The following HCN1 variants were observed in gnomAD, a reference collection of about 807,000 sequenced individuals.
HCN1 encodes potassium/sodium hyperpolarization-activated cyclic nucleotide-gated channel 1.
Under a neutral mutation model 78.9 loss-of-function variants are expected in HCN1, and 13 were observed. The ratio of observed to expected loss-of-function variants is 0.16; its 90% CI spans 0.11 to 0.26. HCN1 has a LOEUF of 0.26. Ranked by LOEUF, HCN1 falls within the 10% of genes least tolerant of loss-of-function variation. HCN1 has a pLI of 1.00. For missense variants in HCN1, 810 were observed against 1,154.3 expected (o/e 0.70, Z 4.32); for synonymous variants, 552 against 455.5 (o/e 1.21, Z -2.70).
intron 2 of HCN1, among the ~76,000 whole-genome samples, chr5:45,573,510 T>C (rs1265626200): frequency 6.6e-6 from 1 of 151,970 alleles, no homozygotes; most frequent in Non-Finnish European, 1.5e-5. Flanking sequence ...TGTAACACTA[T>C]CCTTTTCTTA....
intron 6 of HCN1, among the ~76,000 whole-genome samples, chr5:45,269,685 T>C (rs182282487): frequency 1.3e-5 from 2 of 152,298 alleles, no homozygotes; most frequent in East Asian, 1.9e-4. Context: ...AATTGCTTTA[T>C]GAACGAACCA....
In HCN1 at chr5:45,262,772, C is replaced by T. The variant is rs1336099651; in HGVS notation, c.1822G>A (p.Asp608Asn). The T allele has an allele frequency of 6.2e-7, 1 of 1,613,970 alleles. No individual in the cohort carries two copies. The highest frequency in any genetic ancestry group is 2.2e-5 in the East Asian group (1 of 44,876). The change falls in exon 8 of 8, where the codon GAT becomes AAT. Residue 608 changes from aspartate to asparagine, a missense_variant. This residue lies in a region of HCN1 where 398 missense variants were observed against 381.3 expected (regional missense o/e 1.04). Transcript: ENST00000303230. ...TTGTTGAAAACACCAGTGTTCAGAT[C>T]CTTCTGGAACTTTTGCAGAAGAATT... is the stretch of plus-strand genomic sequence containing the variant. ...NSILLQKFQK[D>N]LNTGVFNNQE...
chr5:45,455,889 C>T (rs1456495105), intron 3 of HCN1, among the ~76,000 whole-genome samples: 2 of 151,442 alleles, frequency 1.3e-5, no homozygotes, highest in Admixed American at 6.6e-5. Context: ...AGGTACCCAT[C>T]TAACTGAAAG....
At position 45,479,528 on chromosome 5, in the gene HCN1, G is replaced by A. The variant is rs536606704; in HGVS notation, c.850-17521C>T. Among the ~76,000 whole-genome samples the A allele has an allele frequency of 2.6e-5, 4 of 152,330 alleles. No individual in the cohort carries two copies. The South Asian group carries it at 8.3e-4, about 32-fold the overall frequency. On this transcript the variant is annotated intron_variant, in intron 2 of 7. Coordinates refer to ENST00000303230, the MANE Select transcript of HCN1 (RefSeq NM_021072.4). Reference sequence around the variant, plus strand: ...CTTCAGATAATGATAAGCTGATGCTGTGGCAGAAGAAATAAAAGGCAATTG... The same window carrying A: ...CTTCAGATAATGATAAGCTGATGCTATGGCAGAAGAAATAAAAGGCAATTG...
At chr5:45,492,420 T>TATAC (rs1554028357) in intron 2 of HCN1, among the ~76,000 whole-genome samples, 2 of 142,980 alleles carry the variant, frequency 1.4e-5, no homozygotes, top group East Asian at 4.1e-4. Flanking sequence ...TATATATATA[T>TATAC]ATAAAATTTG....
At chr5:45,501,016 A>T (rs566755537) in intron 2 of HCN1, among the ~76,000 whole-genome samples, 12 of 152,210 alleles carry the variant, frequency 7.9e-5, no homozygotes, top group Non-Finnish European at 1.8e-4. Context: ...ACATAAAATA[A>T]AATGCTAACA....
At chr5:45,444,893 TA>T (rs1230607977) in intron 3 of HCN1, among the ~76,000 whole-genome samples, 3 of 151,926 alleles carry the variant, frequency 2.0e-5, no homozygotes, top group African/African-American at 7.3e-5. Context: ...CTGCACCCAT[TA>T]GGGGAGGAGC....
chr5:45,281,841 C>A (rs1423158859), intron 6 of HCN1, among the ~76,000 whole-genome samples: 1 of 151,806 alleles, frequency 6.6e-6, no homozygotes, highest in Non-Finnish European at 1.5e-5. Flanking sequence ...ATCTGCCTGC[C>A]TCAGCCTCCC....
intron 1 of HCN1, among the ~76,000 whole-genome samples, chr5:45,689,259 G>A (rs756075193): frequency 1.3e-5 from 2 of 151,752 alleles, no homozygotes; most frequent in Non-Finnish European, 2.9e-5. Flanking sequence ...TAACAAACCT[G>A]CACATCCCAC....
At chr5:45,439,844 G>C (rs1006040918) in intron 3 of HCN1, among the ~76,000 whole-genome samples, 3 of 151,616 alleles carry the variant, frequency 2.0e-5, no homozygotes, top group African/African-American at 7.3e-5. Flanking sequence ...AAGGAGACTG[G>C]CAGGAAGGTA....
intron 5 of HCN1, among the ~76,000 whole-genome samples, chr5:45,344,338 T>C (rs763178496): frequency 5.9e-5 from 9 of 152,054 alleles, no homozygotes; most frequent in Non-Finnish European, 8.8e-5. Flanking sequence ...CCAAACCATA[T>C]CATTCCACCC....
At chr5:45,418,422 A>G (rs1229139866) in intron 3 of HCN1, among the ~76,000 whole-genome samples, 1 of 149,480 alleles carries the variant, frequency 6.7e-6, no homozygotes, top group African/African-American at 2.4e-5. Flanking sequence ...TGATAGGCTA[A>G]AAACTATCAC....
chr5:45,272,753 A>AT (rs915931280), intron 6 of HCN1, among the ~76,000 whole-genome samples: 25 of 150,968 alleles, frequency 1.7e-4, no homozygotes, highest in Middle Eastern at 3.4e-3. Flanking sequence ...AGATTTGGTC[A>AT]TTTTTTTTTC....
intron 3 of HCN1, among the ~76,000 whole-genome samples, chr5:45,422,816 A>G (rs1431553790): frequency 6.6e-6 from 1 of 152,114 alleles, no homozygotes; most frequent in Non-Finnish European, 1.5e-5. Flanking sequence ...CATATATGAG[A>G]GCTAAAAATT....
chr5:45,443,265 C>T (rs376586391), intron 3 of HCN1, among the ~76,000 whole-genome samples: 17 of 151,980 alleles, frequency 1.1e-4, no homozygotes, highest in African/African-American at 3.9e-4. Context: ...ATTATTTTGG[C>T]TAACATAAAT....
At position 45,654,081 on chromosome 5, in the gene HCN1, C is replaced by A. The variant is rs1026952394; in HGVS notation, c.426-8473G>T. ...CTTTAGACAACAAGAACAAAGATAT[C>A]TTTCAAGGGGACTTATATTGCATCA... is the stretch of plus-strand genomic sequence containing the variant. On this transcript the variant is annotated intron_variant, in intron 1 of 7. Transcript: ENST00000303230. 1.6e-4 allele frequency among the ~76,000 whole-genome samples: 24 copies of A among 152,026 alleles called. 1 individual carries two copies. Among genetic ancestry groups the A allele is most frequent in the African/African-American group, 4.8e-4 (20 of 41,420 alleles).
intron 5 of HCN1, among the ~76,000 whole-genome samples, chr5:45,336,880 A>G (rs1221667746): frequency 1.3e-5 from 2 of 151,926 alleles, no homozygotes; most frequent in Non-Finnish European, 2.9e-5. Context: ...CACTGATCCC[A>G]TTCATGAGGG....
chr5:45,449,178 A>T (rs1359460953), intron 3 of HCN1, among the ~76,000 whole-genome samples: 1 of 152,158 alleles, frequency 6.6e-6, no homozygotes, highest in Admixed American at 6.5e-5. Flanking sequence ...AGTAATTATG[A>T]TTATCATCCC....
intron 3 of HCN1, among the ~76,000 whole-genome samples, chr5:45,440,426 A>G (rs1166016394): frequency 6.6e-6 from 1 of 152,216 alleles, no homozygotes; most frequent in African/African-American, 2.4e-5. Flanking sequence ...TTATATTCAT[A>G]GCTGCTTCTT....
Sources: gnomAD v4.1 joint callset for allele counts (sites outside exome capture counted in the v4.1 genomes callset) on GRCh38, gnomAD v4.1.1 for gene constraint, gnomAD v4.1.1 regional missense constraint, MANE v1.5 for transcripts, NCBI Gene and HGNC (gene_info 2026-07-23, HGNC 2026-07-21) for gene names.